LRP1B: variants seen among roughly 807,000 people sequenced by gnomAD.
LRP1B encodes LDL receptor related protein 1B.
In LRP1B, 217 loss-of-function variants were observed where a neutral mutation model predicts 556.6. The ratio of observed to expected loss-of-function variants is 0.39; its 90% CI spans 0.35 to 0.44. The LOEUF (loss-of-function observed/expected upper bound fraction) is 0.44. Ranked by LOEUF, LRP1B falls within the 20% of genes least tolerant of loss-of-function variation. The pLI is 1.00. For synonymous variants in LRP1B, 2,047 were observed against 1,865.8 expected, an observed-to-expected ratio of 1.10 and a Z score of -2.50; for missense variants, 5,053 against 5,620.8, an observed-to-expected ratio of 0.90 and a Z score of 3.23.
intron 3 of LRP1B, among the ~76,000 whole-genome samples, chr2:141,312,358 A>G (rs1467350130): frequency 1.3e-5 from 2 of 152,202 alleles, no homozygotes; most frequent in Admixed American, 1.3e-4. Flanking sequence ...ATGATTTTTA[A>G]TAACATTTTC....
intron 86 of LRP1B, among the ~76,000 whole-genome samples, chr2:140,248,133 A>G (rs1023461060): frequency 5.3e-5 from 8 of 151,674 alleles, no homozygotes; most frequent in East Asian, 1.9e-4. Flanking sequence ...GGCATAGCCA[A>G]TTTTGATATC....
chr2:141,777,705 G>A (rs1000894834), intron 2 of LRP1B, among the ~76,000 whole-genome samples: 6 of 152,030 alleles, frequency 3.9e-5, no homozygotes, highest in African/African-American at 7.2e-5. Context: ...GTGAGCCACC[G>A]CGCCCAGCCA....
chr2:141,946,687 A>T (rs571303545), intron 1 of LRP1B, among the ~76,000 whole-genome samples: 3 of 152,258 alleles, frequency 2.0e-5, no homozygotes, highest in East Asian at 3.9e-4. Flanking sequence ...ATCACATGTG[A>T]CTCTCGAAAG....
chr2:141,210,175 G>C (rs1682479476), intron 6 of LRP1B, among the ~76,000 whole-genome samples: 1 of 150,894 alleles, frequency 6.6e-6, no homozygotes, highest in Admixed American at 6.6e-5. Context: ...TAGTTTCAAT[G>C]ATAAGTTTCC....
At chr2:140,275,756 C>T (rs1338865524) in intron 84 of LRP1B, among the ~76,000 whole-genome samples, 1 of 152,024 alleles carries the variant, frequency 6.6e-6, no homozygotes, top group East Asian at 2.0e-4. Flanking sequence ...CACGAAACTC[C>T]CTGTAATCTG....
intron 1 of LRP1B, among the ~76,000 whole-genome samples, chr2:142,092,488 C>T (rs767444814): frequency 1.3e-5 from 2 of 151,996 alleles, no homozygotes; most frequent in African/African-American, 4.8e-5. Flanking sequence ...AAGGAAATTG[C>T]TTTTTAAAAT....
intron 1 of LRP1B, among the ~76,000 whole-genome samples, chr2:141,846,524 A>G (rs192102090): frequency 0.016 from 2,446 of 151,654 alleles, 35 homozygotes; most frequent in Non-Finnish European, 0.025. Flanking sequence ...TATTCCCTCA[A>G]TCTAAACCAT....
chr2:141,571,956 T>C (rs1437309524), intron 2 of LRP1B, among the ~76,000 whole-genome samples: 2 of 152,082 alleles, frequency 1.3e-5, no homozygotes, highest in African/African-American at 4.8e-5. Flanking sequence ...GACGATTGAT[T>C]TGAGTACCAG....
In LRP1B at chr2:140,455,201, T is replaced by C. The variant is rs148927451; in HGVS notation, c.9963+1254A>G. Among the ~76,000 whole-genome samples, 146 of 152,274 alleles carry C rather than the reference T, an allele frequency of 9.6e-4. 3 individuals are homozygous for C. Among genetic ancestry groups the C allele is most frequent in the African/African-American group, 2.9e-3 (121 of 41,574 alleles). On this transcript the variant is annotated intron_variant, in intron 62 of 90. Coordinates refer to ENST00000389484, the MANE Select transcript of LRP1B (RefSeq NM_018557.3). ...ACTTACATTTCCAGCTCTTTAAAAA[T>C]AATATTTTTATTACACAAATACTCA... is the stretch of plus-strand genomic sequence containing the variant.
chr2:140,977,598 GTT>G (rs60725702), intron 18 of LRP1B, among the ~76,000 whole-genome samples: 3 of 151,584 alleles, frequency 2.0e-5, no homozygotes, highest in Admixed American at 2.0e-4. Context: ...CAGTAATTGC[GTT>G]TTTTTTTGTT....
chr2:141,627,231 C>A (rs1396734785), intron 2 of LRP1B, among the ~76,000 whole-genome samples: 1 of 152,150 alleles, frequency 6.6e-6, no homozygotes, highest in East Asian at 1.9e-4. Context: ...CTATGACATG[C>A]TGTGAAAAGC....
intron 7 of LRP1B, among the ~76,000 whole-genome samples, chr2:141,187,828 T>C (rs1681324359): frequency 6.6e-6 from 1 of 151,734 alleles, no homozygotes; most frequent in African/African-American, 2.4e-5. Context: ...ATAAAGTAGC[T>C]TGCAAAATTG....
chr2:142,048,237 T>C (rs927098499), intron 1 of LRP1B, among the ~76,000 whole-genome samples: 6 of 152,082 alleles, frequency 3.9e-5, no homozygotes, highest in East Asian at 1.9e-4. Flanking sequence ...GAATTATAAA[T>C]GTCCATTTAT....
At chr2:140,665,850 A>G (rs1338840102) in intron 41 of LRP1B, among the ~76,000 whole-genome samples, 6 of 152,166 alleles carry the variant, frequency 3.9e-5, no homozygotes, top group Non-Finnish European at 7.3e-5. Flanking sequence ...ATAATCTACC[A>G]GAAAACATGA....
chr2:141,563,487 A>G (rs947553974), intron 2 of LRP1B, among the ~76,000 whole-genome samples: 2 of 152,068 alleles, frequency 1.3e-5, no homozygotes, highest in African/African-American at 2.4e-5. Flanking sequence ...AAGCTAGAAG[A>G]AAATGAATGA....
At chr2:140,466,745 GA>G (rs1273458236) in intron 60 of LRP1B, among the ~76,000 whole-genome samples, 1 of 151,956 alleles carries the variant, frequency 6.6e-6, no homozygotes. Context: ...AGAGTATCCT[GA>G]AAAAAACAAT....
chr2:141,055,153 A>C lies in LRP1B; in HGVS notation c.1515T>G (p.Thr505=). ...TGCCATCACTTCCCAAGTTGAAGCC[A>C]GTCCTGCAGCGACAAGTCCGAGTTT... The part of the protein sequence containing the change: ...SYKTRTCRCR[T]GFNLGSDGRS... Residue 505 remains threonine, a synonymous_variant, in exon 10 of 91, where the codon ACT becomes ACG. Transcript: ENST00000389484. The C allele has an allele frequency of 6.2e-7, 1 of 1,612,332 alleles. No homozygotes were observed.
intron 71 of LRP1B, among the ~76,000 whole-genome samples, chr2:140,366,242 G>A (rs546176388): frequency 6.6e-6 from 1 of 151,696 alleles, no homozygotes; most frequent in Admixed American, 6.6e-5. Context: ...TCTTCAGAAG[G>A]AAAACTCCTC....
chr2:140,951,873 C>A lies in LRP1B; in HGVS notation c.2955G>T (p.Trp985Cys). ...CKSGRCISSK[W>C]HCDSDDDCGD... ...TTTGGTACTTGCCAGAGTCGCAGTGCCATTTGCTGCTAATGCATCTTCCAC... is the reference window on the plus strand; with the variant it reads ...TTTGGTACTTGCCAGAGTCGCAGTGACATTTGCTGCTAATGCATCTTCCAC... Residue 985 changes from tryptophan (W) to cysteine (C), a missense_variant, in exon 19 of 91, where the codon TGG becomes TGT. Physicochemically the swap from Trp to Cys is radical, Grantham distance 215 (BLOSUM62 -2). This residue lies in a region of LRP1B where 3,619 missense variants were observed against 3,931.9 expected (regional missense o/e 0.92). Coordinates refer to ENST00000389484, the MANE Select transcript of LRP1B (RefSeq NM_018557.3). The A allele has an allele frequency of 6.2e-7, 1 of 1,613,596 alleles. No individual in the cohort carries two copies.
Sources: gnomAD v4.1 joint callset for allele counts (sites outside exome capture counted in the v4.1 genomes callset) on GRCh38, gnomAD v4.1.1 for gene constraint, gnomAD v4.1.1 regional missense constraint, MANE v1.5 for transcripts, NCBI Gene and HGNC (gene_info 2026-07-23, HGNC 2026-07-21) for gene names.